Variants in SULT1A1 observed in about 807,000 individuals in gnomAD.
SULT1A1 encodes sulfotransferase 1A1.
SULT1A1 carries 35 observed loss-of-function variants against 36.8 expected under a neutral mutation model. That is an observed-to-expected ratio of 0.95 (90% CI 0.73 to 1.26). SULT1A1 has a LOEUF of 1.26. SULT1A1 is among the 50% of genes most tolerant of loss of function. The pLI is 0.00. For synonymous variants in SULT1A1, 119 were observed against 146.0 expected (o/e 0.82, Z 1.33); for missense variants, 309 against 383.0 (o/e 0.81, Z 1.61).
At chr16:28,608,425 G>A in intron 3 of SULT1A1, 37 bp from the exon 4 acceptor site, 1 of 1,612,444 alleles carries the variant, frequency 6.2e-7, no homozygotes, top group Non-Finnish European at 8.5e-7. Flanking sequence ...GTGAGCTGAA[G>A]CCCCAGCCCT....
chr16:28,608,284 G>C lies in SULT1A1; in HGVS notation c.372+7C>G, dbSNP rs775070320. On this transcript the variant is annotated splice_region_variant and intron_variant, in intron 4 of 7. Coordinates refer to ENST00000314752, the MANE Select transcript of SULT1A1 (RefSeq NM_001055.4). ...TTATGGATGTGAAACACTGTGCCCT[G>C]CCTCACCTTGACCTTCTGATCCAAC... 2.5e-6 allele frequency: 4 copies of C among 1,612,060 alleles called. No homozygotes were observed. Among genetic ancestry groups the C allele is most frequent in the Non-Finnish European group, 3.4e-6 (4 of 1,178,426 alleles).
At chr16:28,615,762 AC>A (rs970838773) in intron 2 of SULT1A1, among the ~76,000 whole-genome samples, 10 of 152,126 alleles carry the variant, frequency 6.6e-5, no homozygotes, top group African/African-American at 2.4e-4. Context: ...AATGTGAGTC[AC>A]CTCCAATGAT....
intron 1 of SULT1A1, chr16:28,609,351 T>C (rs1299078933): frequency 7.7e-7 from 1 of 1,290,534 alleles, no homozygotes. Context: ...GCCAGGCCTG[T>C]GATCCACTTG....
chr16:28,606,818 C>A lies in SULT1A1; in HGVS notation c.537G>T (p.Trp179Cys), dbSNP rs756996605. Residue 179 changes from tryptophan (W) to cysteine (C), a missense_variant, in exon 6 of 8, where the codon TGG becomes TGT. By Grantham distance (215) the Trp-to-Cys change is radical. Around this residue, in one of 3 missense-constraint regions of SULT1A1, gnomAD observed 219 missense variants for 215.3 expected, o/e 1.02. Transcript: ENST00000314752. ...YGSWYQHVQE[W>C]WELSRTHPVL... ...CAGGGTGGGTGCGGCTCAGCTCCCA[C>A]CACTCCTGCACGTGCTGGTACCAGG... 6.2e-7 allele frequency: 1 copy of A among 1,612,532 alleles called. No homozygotes were observed. The highest frequency in any genetic ancestry group is 2.2e-5 in the East Asian group (1 of 44,884).
chr16:28,619,850 T>C (rs1212847517), intron 2 of SULT1A1, among the ~76,000 whole-genome samples: 1 of 151,692 alleles, frequency 6.6e-6, no homozygotes, highest in African/African-American at 2.4e-5. Context: ...CATACATATA[T>C]GTGTCAATTA....
At chr16:28,621,506 A>AAAAAAAAAAAG (rs1555485637) in intron 1 of SULT1A1, among the ~76,000 whole-genome samples, 4 of 42,458 alleles carry the variant, frequency 9.4e-5, no homozygotes, top group Non-Finnish European at 1.1e-4. Flanking sequence ...AAAAAAAAAA[A>AAAAAAAAAAAG]AAGAAGAAGA....
chr16:28,609,165 G>A, intron 1 of SULT1A1: 1 of 1,370,614 alleles, frequency 7.3e-7, no homozygotes. Flanking sequence ...GTGTGTGAAG[G>A]TCTCCAGGAG....
intron 2 of SULT1A1, among the ~76,000 whole-genome samples, chr16:28,615,608 G>A (rs2047523348): frequency 6.6e-6 from 1 of 152,082 alleles, no homozygotes; most frequent in Non-Finnish European, 1.5e-5. Flanking sequence ...CTTGGTGACA[G>A]CACGGCCAAC....
chr16:28,622,196 C>G (rs2047669783), intron 1 of SULT1A1, among the ~76,000 whole-genome samples: 1 of 151,876 alleles, frequency 6.6e-6, no homozygotes, highest in Admixed American at 6.5e-5. Context: ...GTCTCTTTCT[C>G]TGGGGGACAC....
In SULT1A1 at chr16:28,607,080, G is replaced by A. The variant is rs763283299; in HGVS notation, c.373-3C>T. ...GCGTTGCGGGCAACATAGACCACCT[G>A]CAGGGGCAGAAGACTCAACCCCAGC... On this transcript the variant is annotated splice_region_variant and splice_polypyrimidine_tract_variant and intron_variant, in intron 4 of 7. Coordinates refer to ENST00000314752, the MANE Select transcript of SULT1A1 (RefSeq NM_001055.4). 6.2e-6 allele frequency: 10 copies of A among 1,612,240 alleles called. No individual in the cohort carries two copies. Among genetic ancestry groups the A allele is most frequent in the Non-Finnish European group, 8.5e-6 (10 of 1,178,506 alleles).
At chr16:28,623,100 C>T in intron 1 of SULT1A1, 5 of 1,452,310 alleles carry the variant, frequency 3.4e-6, no homozygotes, top group Non-Finnish European at 4.7e-6. Context: ...ATACTGGTCC[C>T]ACCCCCCAGG....
intron 2 of SULT1A1, among the ~76,000 whole-genome samples, chr16:28,619,889 C>A (rs1310077634): frequency 6.6e-6 from 1 of 151,194 alleles, no homozygotes; most frequent in Non-Finnish European, 1.5e-5. Flanking sequence ...TAAATATGTA[C>A]ACAGAAAGTA....
In SULT1A1 at chr16:28,607,461, G is replaced by A. The variant is rs149621478; in HGVS notation, c.373-384C>T. ...TCAGAGCAAGAGGCAGACAGTCCCC[G>A]CCGCAGAAGATGAGACAAGGCTGGA... On this transcript the variant is annotated intron_variant, in intron 4 of 7. Coordinates refer to ENST00000314752, the MANE Select transcript of SULT1A1 (RefSeq NM_001055.4). 3.5e-4 allele frequency: 72 copies of A among 207,144 alleles called. No homozygotes were observed. The East Asian group carries it at 7.0e-3, about 20-fold the overall frequency. 12.8% of individuals were successfully genotyped at this position (207,144 alleles called of 1,614,324 possible).
intron 1 of SULT1A1, chr16:28,609,681 C>G: frequency 2.5e-6 from 1 of 406,142 alleles, no homozygotes; most frequent in Non-Finnish European, 4.3e-6. Flanking sequence ...TCACTTGAGC[C>G]CAGGAATTCA....
intron 1 of SULT1A1, 23 bp downstream of exon 1, chr16:28,609,908 G>A: frequency 7.8e-7 from 1 of 1,279,888 alleles, no homozygotes; most frequent in Non-Finnish European, 1.0e-6. Context: ...GGGCGCCCTG[G>A]GCCGTTCCAC....
In SULT1A1 at chr16:28,608,587, G is replaced by C; in HGVS notation, c.165C>G (p.Ser55Arg). ...TYPKSGTTWVSQILDMIYQGG... is the reference protein window; with the variant it reads ...TYPKSGTTWVRQILDMIYQGG... ...CCTGGTAGATCATGTCCAGAATCTGGCTTACCCAGGTAGTGCCTGGAGAGG... is the reference window on the plus strand; with the variant it reads ...CCTGGTAGATCATGTCCAGAATCTGCCTTACCCAGGTAGTGCCTGGAGAGG... The change falls in exon 3 of 8, where the codon AGC becomes AGG. Residue 55 changes from serine (S) to arginine (R), a missense_variant. By Grantham distance (110) the Ser-to-Arg change is moderately radical. Coordinates refer to ENST00000314752, the MANE Select transcript of SULT1A1 (RefSeq NM_001055.4). 6.2e-7 allele frequency: 1 copy of C among 1,612,244 alleles called. No individual in the cohort carries two copies. The highest frequency in any genetic ancestry group is 8.5e-7 in the Non-Finnish European group (1 of 1,178,526).
exon 1 of SULT1A1, chr16:28,623,161 C>A (rs372296433): frequency 5.3e-6 from 8 of 1,505,608 alleles, no homozygotes; most frequent in South Asian, 1.2e-5. Flanking sequence ...GCGATGGGCG[C>A]ACCGACCACC....
intron 1 of SULT1A1, among the ~76,000 whole-genome samples, chr16:28,621,805 T>C (rs1158312852): frequency 1.3e-5 from 2 of 152,024 alleles, no homozygotes; most frequent in Non-Finnish European, 2.9e-5. Flanking sequence ...TTCAAGGCTA[T>C]AGAAATTGCA....
At chr16:28,621,813 G>A (rs888345878) in intron 1 of SULT1A1, among the ~76,000 whole-genome samples, 2 of 152,094 alleles carry the variant, frequency 1.3e-5, no homozygotes, top group African/African-American at 4.8e-5. Flanking sequence ...TATAGAAATT[G>A]CAATGATGAT....
Sources: gnomAD v4.1 joint callset for allele counts (sites outside exome capture counted in the v4.1 genomes callset) on GRCh38, gnomAD v4.1.1 for gene constraint, gnomAD v4.1.1 regional missense constraint, MANE v1.5 for transcripts, NCBI Gene and HGNC (gene_info 2026-07-23, HGNC 2026-07-21) for gene names.